The following GJC1 variants were observed in gnomAD, a reference collection of about 807,000 sequenced individuals.
The protein encoded by GJC1 is gap junction protein gamma 1, also known as gap junction gamma-1 protein.
A neutral mutation model predicts 29.3 loss-of-function variants in GJC1; 5 were observed. The observed-to-expected ratio is 0.17, with a 90% confidence interval of 0.09 to 0.36. The LOEUF (loss-of-function observed/expected upper bound fraction) is 0.36. Among genes scored for constraint, GJC1 ranks in the 10% least tolerant of loss-of-function variants. GJC1 has a pLI of 1.00. For synonymous variants in GJC1, 177 were observed against 183.3 expected, an observed-to-expected ratio of 0.97 and a Z score of 0.28; for missense variants, 310 against 496.2, an observed-to-expected ratio of 0.62 and a Z score of 3.56.
chr17:44,804,559 A>G lies in GJC1; in HGVS notation c.*68T>C. The G allele has an allele frequency of 8.5e-7, 1 of 1,181,286 alleles. No individual in the cohort carries two copies. The highest frequency in any genetic ancestry group is 1.2e-6 in the Non-Finnish European group (1 of 816,984). 73.2% of individuals were successfully genotyped at this position (1,181,286 alleles called of 1,614,324 possible). On this transcript the variant is annotated 3_prime_UTR_variant, in exon 3 of 3. Coordinates refer to ENST00000592524, the MANE Select transcript of GJC1 (RefSeq NM_005497.4). ...CCAGAGCCAAATGTTTACTCAATGG[A>G]AGTCATTATTCAGTGAGCTGCTGCT...
At chr17:44,816,768 G>A (rs989032332) in intron 1 of GJC1, among the ~76,000 whole-genome samples, 8 of 151,854 alleles carry the variant, frequency 5.3e-5, no homozygotes, top group South Asian at 2.1e-4. Context: ...GCCTCCCAAC[G>A]TGCTGGGATT....
chr17:44,809,620 G>C (rs933961954), intron 1 of GJC1, among the ~76,000 whole-genome samples: 5 of 151,168 alleles, frequency 3.3e-5, no homozygotes, highest in African/African-American at 1.2e-4. Context: ...GTCCAGGCTG[G>C]AGTGCAATGG....
intron 1 of GJC1, among the ~76,000 whole-genome samples, chr17:44,827,604 T>G (rs2050190084): frequency 6.6e-6 from 1 of 151,566 alleles, no homozygotes; most frequent in Non-Finnish European, 1.5e-5. Flanking sequence ...TGCAGTGTAC[T>G]ATGACAGCCT....
chr17:44,805,578 C>G lies in GJC1; in HGVS notation c.240G>C (p.Gln80His). 6.2e-7 allele frequency: 1 copy of G among 1,614,174 alleles called. No individual in the cohort carries two copies. The highest frequency in any genetic ancestry group is 8.5e-7 in the Non-Finnish European group (1 of 1,180,000). Residue 80 changes from glutamine to histidine, a missense_variant, in exon 3 of 3, where the codon CAG becomes CAC. Transcript: ENST00000592524. The surrounding 1 kb of genome is among the most constrained non-coding windows in gnomAD (Gnocchi z 5.1). The part of the protein sequence containing the change: ...PLSHVRFWVF[Q>H]IILVATPSVM... ...CAGAGGGAGTTGCCACCAGGATGAT[C>G]TGGAACACCCAGAAGCGTACATGGG...
chr17:44,815,239 G>A (rs2050029068), intron 1 of GJC1, among the ~76,000 whole-genome samples: 1 of 152,072 alleles, frequency 6.6e-6, no homozygotes, highest in Non-Finnish European at 1.5e-5. Context: ...GAGTGCAGTG[G>A]CATGATCTCA....
rs903253484 is a variant in GJC1, at chr17:44,801,889, G to A, written c.*2738C>T. Reference sequence around the variant, plus strand: ...TAAAGTGCTGGGATTACAGGTGTGAGCCACCGCGCCTGGCCCATTTTCTTA... The same window carrying A: ...TAAAGTGCTGGGATTACAGGTGTGAACCACCGCGCCTGGCCCATTTTCTTA... On this transcript the variant is annotated 3_prime_UTR_variant, in exon 3 of 3. Transcript: ENST00000592524. The A allele has an allele frequency of 4.6e-5, 7 of 152,148 alleles. No homozygotes were observed. Among genetic ancestry groups the A allele is most frequent in the Admixed American group, 1.3e-4 (2 of 15,268 alleles). 9.4% of individuals were successfully genotyped at this position (152,148 alleles called of 1,614,324 possible). A position where few individuals can be genotyped will look rare whatever the true frequency, so the allele number is the denominator to read the frequency against.
intron 1 of GJC1, among the ~76,000 whole-genome samples, chr17:44,817,297 T>A (rs1267932033): frequency 1.3e-5 from 2 of 152,180 alleles, no homozygotes; most frequent in Non-Finnish European, 2.9e-5. Flanking sequence ...AGTCAGGCAG[T>A]CTTGCACTAG....
At chr17:44,810,815 C>T (rs1048450898) in intron 1 of GJC1, among the ~76,000 whole-genome samples, 1 of 152,034 alleles carries the variant, frequency 6.6e-6, no homozygotes. Flanking sequence ...GCTCTGTTGC[C>T]CACACTGGAG....
chr17:44,823,819 C>T (rs1392773738), intron 1 of GJC1, among the ~76,000 whole-genome samples: 4 of 151,492 alleles, frequency 2.6e-5, no homozygotes, highest in Non-Finnish European at 5.9e-5. Context: ...TCAAGCGATT[C>T]TCCTGCCGCA....
At position 44,800,063 on chromosome 17, in the gene GJC1, C is replaced by T. The variant is rs2049824202; in HGVS notation, c.*4564G>A. The T allele has an allele frequency of 6.6e-6, 1 of 152,150 alleles. No individual in the cohort carries two copies. Among genetic ancestry groups the T allele is most frequent in the South Asian group, 2.1e-4 (1 of 4,830 alleles). The allele number at this position is 152,150 out of a possible 1,614,324, so 9.4% of individuals were successfully genotyped here. On this transcript the variant is annotated 3_prime_UTR_variant, in exon 3 of 3. Transcript: ENST00000592524. Reference sequence around the variant, plus strand: ...ACTGTGAATTATTACATATTTATTACACATAAATGAGTTTAAATTTTATTT... The same window carrying T: ...ACTGTGAATTATTACATATTTATTATACATAAATGAGTTTAAATTTTATTT...
At chr17:44,817,869 A>AGAC (rs2050061356) in intron 1 of GJC1, among the ~76,000 whole-genome samples, 1 of 152,108 alleles carries the variant, frequency 6.6e-6, no homozygotes, top group African/African-American at 2.4e-5. Flanking sequence ...GGAATTATGT[A>AGAC]CAGGTTCTAT....
In GJC1 at chr17:44,798,722, T is replaced by C. The variant is rs1472141095; in HGVS notation, c.*5905A>G. On this transcript the variant is annotated 3_prime_UTR_variant, in exon 3 of 3. Transcript: ENST00000592524. ...GTCCTAGCTAAGTTTTCAATATCAA[T>C]ATGCTACCCATGTCATAACACTTAG... 6.6e-6 allele frequency: 1 copy of C among 152,212 alleles called. No individual in the cohort carries two copies. Among genetic ancestry groups the C allele is most frequent in the East Asian group, 1.9e-4 (1 of 5,204 alleles). The allele number at this position is 152,212 out of a possible 1,614,324, so 9.4% of individuals were successfully genotyped here.
intron 1 of GJC1, among the ~76,000 whole-genome samples, chr17:44,820,836 C>T (rs2050097859): frequency 6.6e-6 from 1 of 152,144 alleles, no homozygotes; most frequent in South Asian, 2.1e-4. Flanking sequence ...GTTAATTCCA[C>T]ATGAGTGATA....
At chr17:44,817,810 G>A (rs1341624195) in intron 1 of GJC1, among the ~76,000 whole-genome samples, 1 of 151,914 alleles carries the variant, frequency 6.6e-6, no homozygotes, top group Non-Finnish European at 1.5e-5. Flanking sequence ...TTGCACTGGA[G>A]TTTGGGCTCT....
Position 44,815,023 on chromosome 17 carries a change from G to A in GJC1, c.-96-7554C>T, listed in dbSNP as rs185386488. ...AAACAAACTTGGTTATAGTGTAGGG[G>A]CTGAAAGTCTGAGATTCAGCTGTGA... On this transcript the variant is annotated intron_variant, in intron 1 of 2. Transcript: ENST00000592524. 2.4e-3 allele frequency among the ~76,000 whole-genome samples: 365 copies of A among 152,124 alleles called. 1 individual carries two copies. The highest frequency in any genetic ancestry group is 3.4e-3 in the Non-Finnish European group (234 of 68,000).
chr17:44,823,268 T>TC (rs1256562581), intron 1 of GJC1, among the ~76,000 whole-genome samples: 2 of 149,842 alleles, frequency 1.3e-5, no homozygotes, highest in Admixed American at 6.6e-5. Flanking sequence ...TTTTTTTTTT[T>TC]TTAAGACGGA....
Position 44,804,652 on chromosome 17 carries a change from T to C in GJC1, c.1166A>G (p.Asp389Gly). The change falls in exon 3 of 3, where the codon GAT becomes GGT. Residue 389 changes from aspartate (D) to glycine (G), a missense_variant. By Grantham distance (94) the Asp-to-Gly change is moderately conservative. This residue lies in a region of GJC1 where 146 missense variants were observed against 165.0 expected (regional missense o/e 0.88). Coordinates refer to ENST00000592524, the MANE Select transcript of GJC1 (RefSeq NM_005497.4). Reference protein sequence around the residue: ...NKSTASSKSGDGKTSVWI With the variant: ...NKSTASSKSGGGKTSVWI ...TTAAATCCAGACGGAGGTCTTCCCATCCCCTGATTTGCTACTGGCAGTGCT... is the reference window on the plus strand; with the variant it reads ...TTAAATCCAGACGGAGGTCTTCCCACCCCCTGATTTGCTACTGGCAGTGCT... The C allele has an allele frequency of 1.9e-6, 3 of 1,613,588 alleles. No homozygotes were observed. Among genetic ancestry groups the C allele is most frequent in the South Asian group, 1.1e-5 (1 of 91,018 alleles).
At chr17:44,816,112 CAAAAAAAAA>C (rs34938283) in intron 1 of GJC1, among the ~76,000 whole-genome samples, 1 of 47,440 alleles carries the variant, frequency 2.1e-5, no homozygotes, top group African/African-American at 1.0e-4. Flanking sequence ...CACTCCGTCT[CAAAAAAAAA>C]AAAAAAAAAA....
intron 1 of GJC1, among the ~76,000 whole-genome samples, chr17:44,819,471 AC>A (rs1235826177): frequency 2.0e-5 from 3 of 151,954 alleles, no homozygotes; most frequent in Non-Finnish European, 4.4e-5. Context: ...ATCCTGGCTA[AC>A]ACTGTGAAAC....
Sources: gnomAD v4.1 joint callset for allele counts (sites outside exome capture counted in the v4.1 genomes callset) on GRCh38, gnomAD v4.1.1 for gene constraint, gnomAD v4.1.1 regional missense constraint, Gnocchi (gnomAD v3.1) non-coding constraint, MANE v1.5 for transcripts, NCBI Gene and HGNC (gene_info 2026-07-23, HGNC 2026-07-21) for gene names.